VAV3: variants seen among roughly 807,000 people sequenced by gnomAD.
VAV3 encodes the protein vav guanine nucleotide exchange factor 3.
Under a neutral mutation model 131.2 loss-of-function variants are expected in VAV3, and 94 were observed. The ratio of observed to expected loss-of-function variants is 0.72; its 90% CI spans 0.61 to 0.85. The LOEUF is 0.85. Ranked by LOEUF, VAV3 falls within the 40% of genes least tolerant of loss-of-function variation. VAV3 has a pLI of 0.00. For synonymous variants in VAV3, 349 were observed against 342.0 expected (o/e 1.02, Z -0.22); for missense variants, 939 against 1,002.7 (o/e 0.94, Z 0.86).
At chr1:107,957,919 G>A (rs1246112073) in intron 1 of VAV3, among the ~76,000 whole-genome samples, 1 of 149,306 alleles carries the variant, frequency 6.7e-6, no homozygotes, top group Non-Finnish European at 1.5e-5. Flanking sequence ...TCCTCACTCT[G>A]GCAAGCCATG....
intron 2 of VAV3, among the ~76,000 whole-genome samples, chr1:107,796,833 C>T (rs1046055668): frequency 2.0e-5 from 3 of 148,534 alleles, no homozygotes; most frequent in South Asian, 2.1e-4. Flanking sequence ...ATTTACCATA[C>T]AAGGACCTTT....
intron 2 of VAV3, among the ~76,000 whole-genome samples, chr1:107,864,840 G>T (rs930382676): frequency 6.6e-6 from 1 of 152,158 alleles, no homozygotes; most frequent in African/African-American, 2.4e-5. Context: ...AACTTGGATA[G>T]TGATGGACAG....
At chr1:107,756,966 G>C (rs1664135305) in intron 11 of VAV3, among the ~76,000 whole-genome samples, 1 of 151,490 alleles carries the variant, frequency 6.6e-6, no homozygotes, top group Non-Finnish European at 1.5e-5. Flanking sequence ...TTGTATCTAA[G>C]TGATTTTAAT....
chr1:107,955,058 T>TA (rs548959617), intron 1 of VAV3, among the ~76,000 whole-genome samples: 91 of 152,318 alleles, frequency 6.0e-4, no homozygotes, highest in African/African-American at 2.1e-3. Context: ...ATCATTATAG[T>TA]AAAAAATAGT....
chr1:107,797,049 A>C (rs1307347262), intron 2 of VAV3, among the ~76,000 whole-genome samples: 3 of 152,142 alleles, frequency 2.0e-5, no homozygotes, highest in Non-Finnish European at 4.4e-5. Flanking sequence ...AAATTACTAC[A>C]ATATGTAAGA....
chr1:107,644,526 A>G (rs1044093061), intron 19 of VAV3, among the ~76,000 whole-genome samples: 3 of 152,134 alleles, frequency 2.0e-5, no homozygotes, highest in Non-Finnish European at 2.9e-5. Context: ...TGTGGTCTCA[A>G]ATACTGGGGC....
At chr1:107,600,459 A>T (rs1221561331) in intron 24 of VAV3, among the ~76,000 whole-genome samples, 2 of 152,168 alleles carry the variant, frequency 1.3e-5, no homozygotes, top group African/African-American at 4.8e-5. Flanking sequence ...GCTTCCTTAC[A>T]AAAGATGCCC....
intron 2 of VAV3, among the ~76,000 whole-genome samples, chr1:107,836,622 CA>C (rs1668488526): frequency 6.6e-6 from 1 of 151,898 alleles, no homozygotes; most frequent in Non-Finnish European, 1.5e-5. Flanking sequence ...AAAAAGTCAA[CA>C]AAAACAAAAG....
At chr1:107,683,928 C>G (rs1242232190) in intron 18 of VAV3, among the ~76,000 whole-genome samples, 1 of 152,128 alleles carries the variant, frequency 6.6e-6, no homozygotes, top group African/African-American at 2.4e-5. Context: ...TCATAAAACT[C>G]TAACTCAGCT....
intron 20 of VAV3, among the ~76,000 whole-genome samples, chr1:107,623,041 G>T (rs1210241233): frequency 6.6e-6 from 1 of 152,176 alleles, no homozygotes; most frequent in East Asian, 1.9e-4. Context: ...CTAGCCTTTG[G>T]TAAGGAGAGA....
chr1:107,765,901 T>G (rs1203207517), intron 8 of VAV3, among the ~76,000 whole-genome samples: 1 of 152,194 alleles, frequency 6.6e-6, no homozygotes, highest in African/African-American at 2.4e-5. Context: ...TTGCTTGATT[T>G]GAAAAGAGAG....
chr1:107,583,216 G>A (rs1650209408), intron 25 of VAV3, among the ~76,000 whole-genome samples: 1 of 152,098 alleles, frequency 6.6e-6, no homozygotes. Context: ...GTCTTCTTTT[G>A]AGAAGTGTCT....
chr1:107,759,902 G>T (rs570128050), intron 10 of VAV3, among the ~76,000 whole-genome samples: 272 of 152,026 alleles, frequency 1.8e-3, no homozygotes, highest in African/African-American at 6.5e-3. Context: ...TGCCTGAGTC[G>T]TCCTTATTAT....
chr1:107,902,533 T>G (rs1188352534), intron 1 of VAV3, among the ~76,000 whole-genome samples: 1 of 152,230 alleles, frequency 6.6e-6, no homozygotes, highest in East Asian at 1.9e-4. Context: ...CTAGATAGTC[T>G]TATGTAGGAG....
chr1:107,876,612 A>G (rs527433859), intron 1 of VAV3, among the ~76,000 whole-genome samples: 3 of 152,242 alleles, frequency 2.0e-5, no homozygotes, highest in Admixed American at 6.5e-5. Flanking sequence ...CATCCACACT[A>G]TAACAGGGAG....
At chr1:107,842,868 T>C (rs549762577) in intron 2 of VAV3, among the ~76,000 whole-genome samples, 1 of 152,276 alleles carries the variant, frequency 6.6e-6, no homozygotes, top group African/African-American at 2.4e-5. Context: ...GAGAGAAATA[T>C]TAACATAATA....
chr1:107,639,174 T>G lies in VAV3; in HGVS notation c.1914+3445A>C, dbSNP rs143883043. Reference sequence around the variant, plus strand: ...TTAGTACCATATACAAAAAAAAACCTCAAAATGAATCATAAATCTAAATGT... The same window carrying G: ...TTAGTACCATATACAAAAAAAAACCGCAAAATGAATCATAAATCTAAATGT... On this transcript the variant is annotated intron_variant, in intron 20 of 26. Transcript: ENST00000370056. Among the ~76,000 whole-genome samples, 1,189 of 151,796 alleles carry G rather than the reference T, an allele frequency of 7.8e-3. 14 individuals are homozygous for G. The highest frequency in any genetic ancestry group is 0.027 in the African/African-American group (1,119 of 41,464).
chr1:107,685,136 A>C (rs148015495), intron 18 of VAV3, among the ~76,000 whole-genome samples: 44 of 152,296 alleles, frequency 2.9e-4, no homozygotes, highest in African/African-American at 8.7e-4. Flanking sequence ...AGGAACTATA[A>C]ACTTAAAATG....
intron 1 of VAV3, among the ~76,000 whole-genome samples, chr1:107,912,842 C>T (rs1304689733): frequency 6.6e-6 from 1 of 152,180 alleles, no homozygotes; most frequent in African/African-American, 2.4e-5. Context: ...GTCTCAACTA[C>T]TCATCTCTGG....
Sources: allele counts gnomAD v4.1 joint callset (sites outside exome capture counted in the v4.1 genomes callset), GRCh38; gene constraint gnomAD v4.1.1; transcripts MANE v1.5; gene names NCBI Gene and HGNC (gene_info 2026-07-23, HGNC 2026-07-21).